SLC24A2: variants seen among roughly 807,000 people sequenced by gnomAD.
The protein encoded by SLC24A2 is sodium/potassium/calcium exchanger 2.
In SLC24A2, 36 loss-of-function variants were observed where a neutral mutation model predicts 62.0. The observed-to-expected ratio is 0.58, with a 90% confidence interval of 0.44 to 0.77. The LOEUF is 0.77. SLC24A2 is among the 30% of genes least tolerant of loss of function. SLC24A2 has a pLI of 0.00. For synonymous variants in SLC24A2, 358 were observed against 294.0 expected (o/e 1.22, Z -2.23); for missense variants, 846 against 817.9 (o/e 1.03, Z -0.42).
intron 8 of SLC24A2, among the ~76,000 whole-genome samples, chr9:19,532,407 T>C (rs1270353398): frequency 6.6e-6 from 1 of 152,190 alleles, no homozygotes; most frequent in Admixed American, 6.5e-5. Context: ...CCATATACTT[T>C]AAATCAGCTC....
chr9:20,235,471 G>A, the SLC24A2 span, among the ~76,000 whole-genome samples: 2 of 152,208 alleles, frequency 1.3e-5, no homozygotes, highest in African/African-American at 4.8e-5. Context: ...CTTGCAGTTT[G>A]ATCTCGGATT....
the SLC24A2 span, among the ~76,000 whole-genome samples, chr9:19,868,921 A>T: frequency 6.6e-6 from 1 of 151,760 alleles, no homozygotes; most frequent in Non-Finnish European, 1.5e-5. Flanking sequence ...ATCTAGTCTG[A>T]TACTCTCTGC....
At chr9:20,176,094 T>C in the SLC24A2 span, among the ~76,000 whole-genome samples, 1 of 152,018 alleles carries the variant, frequency 6.6e-6, no homozygotes, top group East Asian at 1.9e-4. Context: ...ACTTGGGCTT[T>C]TTCGTTCGTT....
chr9:20,199,460 G>C, the SLC24A2 span, among the ~76,000 whole-genome samples: 4 of 152,118 alleles, frequency 2.6e-5, no homozygotes, highest in Non-Finnish European at 4.4e-5. Context: ...ATTGGCATCT[G>C]GGGGGTGTCC....
At chr9:19,547,093 C>T (rs1381863421) in intron 8 of SLC24A2, among the ~76,000 whole-genome samples, 1 of 152,188 alleles carries the variant, frequency 6.6e-6, no homozygotes, top group African/African-American at 2.4e-5. Context: ...GCAACCCTGT[C>T]TTTATGTCTC....
the SLC24A2 span, among the ~76,000 whole-genome samples, chr9:19,875,971 A>T: frequency 6.6e-6 from 1 of 152,202 alleles, no homozygotes; most frequent in Non-Finnish European, 1.5e-5. Flanking sequence ...AACAAAGTTT[A>T]ATGTTTGGGA....
rs554310609 is a variant in SLC24A2, at chr9:19,626,904, G to C, written c.931-4605C>G. ...TACAAGGTGCAAAGTCCTCAAATCT[G>C]AAATATAAAAGGAAAAACACCCTAC... is the stretch of plus-strand genomic sequence containing the variant. On this transcript the variant is annotated intron_variant, in intron 2 of 10. Coordinates refer to ENST00000341998, the MANE Select transcript of SLC24A2 (RefSeq NM_020344.4). Among the ~76,000 whole-genome samples, 3 of 152,258 alleles carry C rather than the reference G, an allele frequency of 2.0e-5. No homozygotes were observed. The East Asian group carries it at 5.8e-4, about 29-fold the overall frequency.
At chr9:19,657,977 A>C (rs10738546) in intron 2 of SLC24A2, among the ~76,000 whole-genome samples, 67,600 of 151,922 alleles carry the variant, frequency 0.44, 15,589 homozygotes, top group East Asian at 0.7. Context: ...AATGTCCCTG[A>C]TTCCTGCTTG....
chr9:19,614,757 G>A (rs1817721528), intron 4 of SLC24A2, among the ~76,000 whole-genome samples: 2 of 151,984 alleles, frequency 1.3e-5, no homozygotes, highest in African/African-American at 4.8e-5. Flanking sequence ...CACATGGAAA[G>A]GTCCTGAGAC....
the SLC24A2 span, among the ~76,000 whole-genome samples, chr9:20,098,740 C>T: frequency 6.6e-6 from 1 of 152,184 alleles, no homozygotes; most frequent in Non-Finnish European, 1.5e-5. Context: ...CCATGTTTCA[C>T]TTGTGACTGT....
the SLC24A2 span, among the ~76,000 whole-genome samples, chr9:19,948,803 C>T: frequency 6.9e-6 from 1 of 144,974 alleles, no homozygotes; most frequent in Non-Finnish European, 1.5e-5. Context: ...GGAGATCGCG[C>T]CACAGCACTC....
the SLC24A2 span, among the ~76,000 whole-genome samples, chr9:19,880,507 T>C: frequency 1.3e-5 from 2 of 152,170 alleles, no homozygotes; most frequent in Admixed American, 6.5e-5. Flanking sequence ...CATAGTACAG[T>C]CTCAGCATAT....
At chr9:19,617,636 C>A (rs771708964) in intron 4 of SLC24A2, among the ~76,000 whole-genome samples, 1 of 152,176 alleles carries the variant, frequency 6.6e-6, no homozygotes, top group Non-Finnish European at 1.5e-5. Flanking sequence ...CACCCCGGGA[C>A]TACAGCTCTA....
intron 2 of SLC24A2, among the ~76,000 whole-genome samples, chr9:19,697,451 A>G (rs2118504343): frequency 6.6e-6 from 1 of 152,320 alleles, no homozygotes; most frequent in Middle Eastern, 3.4e-3. Flanking sequence ...AAAGTTGAAG[A>G]GAAAAAAATC....
At chr9:19,539,105 A>G (rs1203730244) in intron 8 of SLC24A2, among the ~76,000 whole-genome samples, 1 of 67,596 alleles carries the variant, frequency 1.5e-5, no homozygotes, top group Non-Finnish European at 2.9e-5. Context: ...TTTTTTCTTT[A>G]TTAGTCTTGC....
At chr9:19,712,265 C>A (rs956738331) in intron 2 of SLC24A2, among the ~76,000 whole-genome samples, 24 of 152,256 alleles carry the variant, frequency 1.6e-4, no homozygotes, top group African/African-American at 5.5e-4. Flanking sequence ...TTTTCACTAA[C>A]ATAAATTCAA....
chr9:19,661,344 T>C (rs568663330), intron 2 of SLC24A2, among the ~76,000 whole-genome samples: 1 of 152,298 alleles, frequency 6.6e-6, no homozygotes, highest in African/African-American at 2.4e-5. Context: ...TTGTAGAGTA[T>C]GAATCCCTAA....
At chr9:19,865,662 A>G in the SLC24A2 span, among the ~76,000 whole-genome samples, 2 of 152,178 alleles carry the variant, frequency 1.3e-5, no homozygotes, top group Admixed American at 6.5e-5. Flanking sequence ...GAAGAATAAA[A>G]CAAGACCCCT....
intron 2 of SLC24A2, among the ~76,000 whole-genome samples, chr9:19,780,014 G>C (rs2118923987): frequency 1.3e-5 from 2 of 152,128 alleles, no homozygotes; most frequent in South Asian, 2.1e-4. Context: ...AGTGAGCCGA[G>C]ATCGCACCAC....
Sources: gnomAD v4.1 joint callset for allele counts (sites outside exome capture counted in the v4.1 genomes callset) on GRCh38, gnomAD v4.1.1 for gene constraint, MANE v1.5 for transcripts, NCBI Gene and HGNC (gene_info 2026-07-23, HGNC 2026-07-21) for gene names.